The following CDC27 variants were observed in gnomAD, a reference collection of about 807,000 sequenced individuals.
CDC27 encodes the protein cell division cycle protein 27 homolog.
Under a neutral mutation model 109.7 loss-of-function variants are expected in CDC27, and 27 were observed. The ratio of observed to expected loss-of-function variants is 0.25; its 90% CI spans 0.18 to 0.34. CDC27 has a LOEUF of 0.34. CDC27 is among the 10% of genes least tolerant of loss of function. The pLI, the probability that CDC27 is intolerant of heterozygous loss-of-function variation, is 1.00. For synonymous variants in CDC27, 266 were observed against 333.9 expected (o/e 0.80, Z 2.22); for missense variants, 579 against 960.2 (o/e 0.60, Z 5.25).
In CDC27 at chr17:47,174,298, G is replaced by A. The variant is rs185429810; in HGVS notation, c.104-2234C>T. 3.3e-5 allele frequency among the ~76,000 whole-genome samples: 5 copies of A among 152,290 alleles called. No homozygotes were observed. In the East Asian group the frequency reaches 9.6e-4, roughly 29 times the overall value. On this transcript the variant is annotated intron_variant, in intron 2 of 18. Transcript: ENST00000066544. ...CAGAATATGTTTACTGGATAGGATT[G>A]ACAAAGATTTCATCTAGAACAGTAA...
chr17:47,151,863 T>C lies in CDC27; in HGVS notation c.1013A>G (p.Asn338Ser), dbSNP rs112187822. 1 of 1,606,872 alleles carries C rather than the reference T, an allele frequency of 6.2e-7. No homozygotes were observed. The change falls in exon 9 of 19, where the codon AAT becomes AGT. Residue 338 changes from asparagine to serine, a missense_variant. Physicochemically the swap from Asn to Ser is conservative, Grantham distance 46. This residue lies in a region of CDC27 where 74 missense variants were observed against 148.9 expected (regional missense o/e 0.50). Coordinates refer to ENST00000066544, the MANE Select transcript of CDC27 (RefSeq NM_001256.6). ...GTKSVFSQSG[N>S]SREVTPILAQ... The stretch of plus-strand genomic sequence containing the variant: ...AAGAATTGGAGTTACCTCTCGGCTA[T>C]TTCCACTCTGTGAGAAGACAGACTT...
At chr17:47,187,756 G>C (rs2064502357) in intron 1 of CDC27, among the ~76,000 whole-genome samples, 1 of 149,638 alleles carries the variant, frequency 6.7e-6, no homozygotes, top group Non-Finnish European at 1.5e-5. Flanking sequence ...ATATGCAACA[G>C]AAATTAAATA....
intron 2 of CDC27, among the ~76,000 whole-genome samples, chr17:47,175,043 A>G (rs8074188): frequency 2.5e-5 from 1 of 39,810 alleles, no homozygotes; most frequent in African/African-American, 7.4e-5. Flanking sequence ...GAGAGAGAGG[A>G]AGGAAGGAAG....
At chr17:47,179,535 A>G (rs1474560468) in intron 2 of CDC27, among the ~76,000 whole-genome samples, 2 of 152,226 alleles carry the variant, frequency 1.3e-5, no homozygotes, top group Non-Finnish European at 1.5e-5. Context: ...AGCAATGTCT[A>G]TTTGATAGGA....
In CDC27 at chr17:47,119,068, T is replaced by G. The variant is rs11570582; in HGVS notation, c.*1867A>C. Reference sequence around the variant, plus strand: ...CTCAGGTTGAAGCTTTCTATAAAACTCTAAATGACACTGTTATACAGCACC... The same window carrying G: ...CTCAGGTTGAAGCTTTCTATAAAACGCTAAATGACACTGTTATACAGCACC... On this transcript the variant is annotated 3_prime_UTR_variant, in exon 19 of 19. Transcript: ENST00000066544. The G allele has an allele frequency of 2.1e-3, 327 of 152,286 alleles. 4 individuals carry two copies. The highest frequency in any genetic ancestry group is 7.4e-3 in the African/African-American group (306 of 41,568). 9.4% of individuals were successfully genotyped at this position (152,286 alleles called of 1,614,324 possible). A position where few individuals can be genotyped will look rare whatever the true frequency, so the allele number is the denominator to read the frequency against.
chr17:47,157,589 T>TTTA (rs10636944), intron 5 of CDC27, among the ~76,000 whole-genome samples: 109,978 of 151,650 alleles, frequency 0.73, 40,221 homozygotes, highest in Admixed American at 0.82. Context: ...AAGCTGTAAA[T>TTTA]GAAAATAAAC....
intron 4 of CDC27, among the ~76,000 whole-genome samples, chr17:47,162,464 T>G (rs1197007814): frequency 6.6e-6 from 1 of 152,216 alleles, no homozygotes; most frequent in Non-Finnish European, 1.5e-5. Flanking sequence ...TCTTTGCCAT[T>G]TTTATACTAC....
rs946884907 is a variant in CDC27, at chr17:47,142,245, T to C, written c.1362A>G (p.Leu454=). The change falls in exon 11 of 19, where the codon CTA becomes CTG. Residue 454 remains leucine (L), a synonymous_variant. Coordinates refer to ENST00000066544, the MANE Select transcript of CDC27 (RefSeq NM_001256.6). ...AAAACAGACCTGCTGCTGCTTTTTG[T>C]AGATTAAAGGCCTGAATCTGAGGTG... ...TITPQIQAFN[L]QKAAAEGLMS... The C allele has an allele frequency of 3.1e-6, 5 of 1,589,392 alleles. No individual in the cohort carries two copies. In the African/African-American group the frequency reaches 5.4e-5, roughly 17 times the overall value.
rs1479426622 is a variant in CDC27, at chr17:47,119,224, C to T, written c.*1711G>A. 3.3e-5 allele frequency: 5 copies of T among 152,126 alleles called. No homozygotes were observed. Among genetic ancestry groups the T allele is most frequent in the Non-Finnish European group, 5.9e-5 (4 of 68,022 alleles). The allele number at this position is 152,126 out of a possible 1,614,324, so 9.4% of individuals were successfully genotyped here. A position where few individuals can be genotyped will look rare whatever the true frequency, so the allele number is the denominator to read the frequency against. Reference sequence around the variant, plus strand: ...GAATTTTTCATTATATTTATTTTCTCCCAACTGTTCCTTTTTTTTAAAAAA... The same window carrying T: ...GAATTTTTCATTATATTTATTTTCTTCCAACTGTTCCTTTTTTTTAAAAAA... On this transcript the variant is annotated 3_prime_UTR_variant, in exon 19 of 19. Transcript: ENST00000066544.
chr17:47,137,429 T>C lies in CDC27; in HGVS notation c.1705-69A>G, dbSNP rs150459989. 1.9e-4 allele frequency: 164 copies of C among 868,400 alleles called. No homozygotes were observed. The East Asian group carries it at 4.4e-3, about 24-fold the overall frequency. The allele number at this position is 868,400 out of a possible 1,614,324, so 53.8% of individuals were successfully genotyped here. A position where few individuals can be genotyped will look rare whatever the true frequency, so the allele number is the denominator to read the frequency against. ...CTTTTTCTAAAACCAAATCTATGACTAAAATCAAGCCTCAACTTAGAACAG... is the reference window on the plus strand; with the variant it reads ...CTTTTTCTAAAACCAAATCTATGACCAAAATCAAGCCTCAACTTAGAACAG... On this transcript the variant is annotated intron_variant, in intron 13 of 18. Transcript: ENST00000066544.
intron 15 of CDC27, among the ~76,000 whole-genome samples, chr17:47,130,571 T>C (rs1226613209): frequency 2.0e-5 from 3 of 152,034 alleles, no homozygotes; most frequent in Non-Finnish European, 4.4e-5. Context: ...CTTGGACAAA[T>C]TATATGTTAT....
chr17:47,132,988 C>CATATATATATATAT (rs1158266100), intron 14 of CDC27, among the ~76,000 whole-genome samples: 4 of 40,884 alleles, frequency 9.8e-5, no homozygotes, highest in Non-Finnish European at 1.3e-4. Flanking sequence ...TGCCCAGGCG[C>CATATATATATATAT]ATATATATAT....
At chr17:47,139,028 C>T in intron 12 of CDC27, 137 bp from the exon 13 acceptor site, 1 of 557,614 alleles carries the variant, frequency 1.8e-6, no homozygotes, top group Non-Finnish European at 3.0e-6. Flanking sequence ...AGTATTAACA[C>T]AAGGACAAAT....
intron 2 of CDC27, among the ~76,000 whole-genome samples, chr17:47,177,858 A>G (rs200707548): frequency 1.5e-5 from 1 of 67,808 alleles, no homozygotes; most frequent in South Asian, 6.2e-4. Flanking sequence ...ATGTGTGTGT[A>G]CACACACACA....
At chr17:47,173,542 TA>T (rs1486772685) in intron 2 of CDC27, among the ~76,000 whole-genome samples, 1 of 152,200 alleles carries the variant, frequency 6.6e-6, no homozygotes, top group African/African-American at 2.4e-5. Flanking sequence ...ATTATACCAA[TA>T]AACAATGGCT....
At chr17:47,159,269 T>C (rs963401959) in intron 4 of CDC27, 1 of 563,700 alleles carries the variant, frequency 1.8e-6, no homozygotes, top group Non-Finnish European at 3.0e-6. Flanking sequence ...GGTCAGTGAA[T>C]TCCCGATAGG....
At chr17:47,143,299 A>G (rs1358640502) in intron 10 of CDC27, among the ~76,000 whole-genome samples, 1 of 152,170 alleles carries the variant, frequency 6.6e-6, no homozygotes, top group East Asian at 1.9e-4. Context: ...TTTTCAAATA[A>G]TTTTAGACTC....
chr17:47,174,267 A>G (rs111476024), intron 2 of CDC27, among the ~76,000 whole-genome samples: 255 of 152,346 alleles, frequency 1.7e-3, no homozygotes, highest in African/African-American at 5.7e-3. Context: ...ATAAATCTAA[A>G]AAGCACAGAA....
chr17:47,181,665 T>C (rs751160152), intron 1 of CDC27, 28 bp from the exon 2 acceptor site: 61 of 1,292,026 alleles, frequency 4.7e-5, no homozygotes, highest in Non-Finnish European at 6.6e-5. Flanking sequence ...AGAACATAAA[T>C]ATACATACAT....
Sources: allele counts gnomAD v4.1 joint callset (sites outside exome capture counted in the v4.1 genomes callset), GRCh38; gene constraint gnomAD v4.1.1; regional missense constraint gnomAD v4.1.1; transcripts MANE v1.5; gene names NCBI Gene and HGNC (gene_info 2026-07-23, HGNC 2026-07-21).